Variants in CPEB1 observed in about 807,000 individuals in gnomAD.
CPEB1 encodes the protein cytoplasmic polyadenylation element-binding protein 1.
In CPEB1, 7 loss-of-function variants were observed where a neutral mutation model predicts 65.8. That is an observed-to-expected ratio of 0.11 (90% CI 0.06 to 0.20). The LOEUF (loss-of-function observed/expected upper bound fraction) is 0.20. CPEB1 is among the 10% of genes least tolerant of loss of function. CPEB1 has a pLI of 1.00. For missense variants in CPEB1, 551 were observed against 712.2 expected (o/e 0.77, Z 2.58); for synonymous variants, 262 against 260.0 (o/e 1.01, Z -0.08).
intron 3 of CPEB1, among the ~76,000 whole-genome samples, chr15:82,607,479 T>C (rs186133021): frequency 6.6e-6 from 1 of 152,124 alleles, no homozygotes; most frequent in Non-Finnish European, 1.5e-5. Flanking sequence ...TCTCAGCTAC[T>C]CGGGAGGCTG....
rs191542664 is a variant in CPEB1, at chr15:82,610,606, T to G, written c.271+16587A>C. Among the ~76,000 whole-genome samples the G allele has an allele frequency of 4.0e-3, 613 of 152,202 alleles. 2 individuals carry two copies. The highest frequency in any genetic ancestry group is 7.2e-3 in the Non-Finnish European group (491 of 67,988). ...CATCTCAATGGACACAGACAAGTATTTGATGAAAATCCAATACCCTTTCAT... is the reference window on the plus strand; with the variant it reads ...CATCTCAATGGACACAGACAAGTATGTGATGAAAATCCAATACCCTTTCAT... On this transcript the variant is annotated intron_variant, in intron 3 of 12. Transcript: ENST00000684509.
intron 4 of CPEB1, among the ~76,000 whole-genome samples, chr15:82,570,466 A>G (rs947256601): frequency 7.2e-5 from 11 of 151,914 alleles, no homozygotes; most frequent in Non-Finnish European, 1.6e-4. Context: ...AAAGCAAAAT[A>G]TGTAGCTTGT....
intron 3 of CPEB1, among the ~76,000 whole-genome samples, chr15:82,595,006 T>A (rs3970696): frequency 0.52 from 78,329 of 152,014 alleles, 20,696 homozygotes; most frequent in African/African-American, 0.64. Context: ...AACAGTAAAA[T>A]AAGTTGGAAA....
intron 3 of CPEB1, among the ~76,000 whole-genome samples, chr15:82,582,288 G>A (rs545459939): frequency 6.6e-5 from 10 of 152,284 alleles, no homozygotes; most frequent in Admixed American, 4.6e-4. Flanking sequence ...AGTGTTCTGC[G>A]TAATTCAGGC....
At chr15:82,607,573 C>A (rs1389205804) in intron 3 of CPEB1, among the ~76,000 whole-genome samples, 1 of 151,842 alleles carries the variant, frequency 6.6e-6, no homozygotes. Flanking sequence ...GATGACAGAG[C>A]GAGACTCAAG....
chr15:82,619,875 T>C (rs2045132683), intron 3 of CPEB1, among the ~76,000 whole-genome samples: 1 of 151,946 alleles, frequency 6.6e-6, no homozygotes, highest in South Asian at 2.1e-4. Flanking sequence ...ATCTCAAAGA[T>C]AAACATACGT....
chr15:82,553,725 G>A (rs2036692460), intron 7 of CPEB1, among the ~76,000 whole-genome samples, 153 bp downstream of exon 7: 1 of 152,136 alleles, frequency 6.6e-6, no homozygotes, highest in Non-Finnish European at 1.5e-5. Context: ...AGCACTATGG[G>A]GGTCTATGAA....
intron 3 of CPEB1, chr15:82,571,764 A>G: frequency 1.5e-6 from 2 of 1,321,818 alleles, no homozygotes; most frequent in Non-Finnish European, 1.9e-6. Context: ...TGCATTACAG[A>G]CTGGGCCAGC....
intron 10 of CPEB1, chr15:82,548,546 A>G (rs907782632): frequency 6.7e-6 from 2 of 296,892 alleles, no homozygotes; most frequent in African/African-American, 4.5e-5. Context: ...GGACTCCTTC[A>G]GTGCAGGTAG....
At position 82,631,385 on chromosome 15, in the gene CPEB1, T is replaced by G. The variant is rs534997263; in HGVS notation, c.-97-2829A>C. Among the ~76,000 whole-genome samples the G allele has an allele frequency of 3.4e-4, 51 of 152,144 alleles. 1 individual carries two copies. Among genetic ancestry groups the G allele is most frequent in the Admixed American group, 8.5e-4 (13 of 15,298 alleles). On this transcript the variant is annotated intron_variant, in intron 1 of 12. Coordinates refer to ENST00000684509, the MANE Select transcript of CPEB1 (RefSeq NM_001365242.1). Reference sequence around the variant, plus strand: ...ATGTATATTCCAAACTGTTTCATCTTATAATTACCAATGTTTGCCTTAACC... The same window carrying G: ...ATGTATATTCCAAACTGTTTCATCTGATAATTACCAATGTTTGCCTTAACC...
intron 3 of CPEB1, among the ~76,000 whole-genome samples, chr15:82,626,039 G>A (rs916075029): frequency 6.6e-6 from 1 of 151,882 alleles, no homozygotes; most frequent in Non-Finnish European, 1.5e-5. Flanking sequence ...AGAATTGCTT[G>A]AACCCAGGAG....
chr15:82,545,695 T>C (rs1476402961), intron 12 of CPEB1, among the ~76,000 whole-genome samples: 1 of 152,236 alleles, frequency 6.6e-6, no homozygotes, highest in South Asian at 2.1e-4. Context: ...CGCTGCTTTC[T>C]GCCTGTCGCT....
At chr15:82,628,035 C>A (rs2045920410) in intron 2 of CPEB1, 2 of 602,774 alleles carry the variant, frequency 3.3e-6, no homozygotes, top group African/African-American at 1.9e-5. Flanking sequence ...GTCATAAAGA[C>A]CTTTAAGGCT....
intron 4 of CPEB1, among the ~76,000 whole-genome samples, chr15:82,568,526 G>A (rs549498289): frequency 1.6e-4 from 25 of 152,304 alleles, no homozygotes; most frequent in Admixed American, 1.2e-3. Flanking sequence ...AGCCCATGCA[G>A]GCCTTGCAGG....
chr15:82,598,440 G>T (rs952327742), intron 3 of CPEB1, among the ~76,000 whole-genome samples: 2 of 152,084 alleles, frequency 1.3e-5, no homozygotes, highest in Non-Finnish European at 2.9e-5. Context: ...GTTGCAGTGA[G>T]CTGAGATTGC....
chr15:82,630,335 A>C (rs2046135582), intron 1 of CPEB1: 1 of 153,940 alleles, frequency 6.5e-6, no homozygotes, highest in African/African-American at 2.4e-5. Context: ...GGGGCAGCAG[A>C]TTAGACACAG....
In CPEB1 at chr15:82,607,279, C is replaced by G. The variant is rs562412661; in HGVS notation, c.271+19914G>C. ...AATATATACTGCACAACAGGAGATA[C>G]ACTTTAAGACTCAAAGACACAAATA... On this transcript the variant is annotated intron_variant, in intron 3 of 12. Coordinates refer to ENST00000684509, the MANE Select transcript of CPEB1 (RefSeq NM_001365242.1). 7.9e-5 allele frequency among the ~76,000 whole-genome samples: 12 copies of G among 152,162 alleles called. No homozygotes were observed. The South Asian group carries it at 2.5e-3, about 32-fold the overall frequency.
intron 4 of CPEB1, among the ~76,000 whole-genome samples, chr15:82,565,308 A>C (rs1035803591): frequency 6.6e-6 from 1 of 152,222 alleles, no homozygotes; most frequent in African/African-American, 2.4e-5. Flanking sequence ...GCAGCAAAGC[A>C]GCAAAGACAA....
chr15:82,610,546 A>G (rs954265773), intron 3 of CPEB1, among the ~76,000 whole-genome samples: 1 of 152,160 alleles, frequency 6.6e-6, no homozygotes, highest in Admixed American at 6.6e-5. Context: ...AAAATATAAT[A>G]TTAATAGAAC....
Sources: allele counts gnomAD v4.1 joint callset (sites outside exome capture counted in the v4.1 genomes callset), GRCh38; gene constraint gnomAD v4.1.1; transcripts MANE v1.5; gene names NCBI Gene and HGNC (gene_info 2026-07-23, HGNC 2026-07-21).